Variants in ACSF2 observed in about 807,000 individuals in gnomAD.
The protein encoded by ACSF2 is medium-chain acyl-CoA ligase ACSF2, mitochondrial.
In ACSF2, 52 loss-of-function variants were observed where a neutral mutation model predicts 79.3. The observed-to-expected ratio is 0.66, with a 90% CI of 0.53 to 0.83. The LOEUF (loss-of-function observed/expected upper bound fraction) is 0.83, where lower values mean the gene tolerates loss of function less well. Ranked by LOEUF, ACSF2 falls within the 40% of genes least tolerant of loss-of-function variation. The pLI, the probability that ACSF2 is intolerant of heterozygous loss-of-function variation, is 0.00. For synonymous variants in ACSF2, 283 were observed against 312.6 expected, an observed-to-expected ratio of 0.91 and a Z score of 1.00; for missense variants, 661 against 803.3, an observed-to-expected ratio of 0.82 and a Z score of 2.14.
Position 50,465,329 on chromosome 17 carries a change from G to A in ACSF2, c.1215+1035G>A, listed in dbSNP as rs2231510. 6,995 of 1,614,038 alleles carry A rather than the reference G, an allele frequency of 4.3e-3. 283 individuals are homozygous for A. In the African/African-American group the frequency reaches 0.081, roughly 19 times the overall value. ...GCGGCCAGCTTTCTTGGACCTCTTG[G>A]TGGGGAACTTGCAGCTGCGGAAGGC... On this transcript the variant is annotated intron_variant, in intron 10 of 15. Coordinates refer to ENST00000300441, the MANE Select transcript of ACSF2 (RefSeq NM_025149.6).
chr17:50,472,704 G>A (rs1388825272), intron 12 of ACSF2, 125 bp downstream of exon 12: 1 of 1,214,686 alleles, frequency 8.2e-7, no homozygotes, highest in South Asian at 1.8e-5. Context: ...CTCACATGCT[G>A]GAGTCTTAAT....
chr17:50,443,717 A>G (rs1198407763), intron 1 of ACSF2, among the ~76,000 whole-genome samples: 2 of 152,202 alleles, frequency 1.3e-5, no homozygotes, highest in African/African-American at 2.4e-5. Context: ...ACCATCTTCT[A>G]AAAATCTTAT....
intron 10 of ACSF2, chr17:50,465,288 C>T (rs752185774): frequency 2.5e-6 from 4 of 1,613,952 alleles, no homozygotes; most frequent in Non-Finnish European, 2.5e-6. Flanking sequence ...TTTACCTGGC[C>T]CCCACCTGTT....
chr17:50,466,626 T>C (rs1163678854), intron 10 of ACSF2, among the ~76,000 whole-genome samples: 1 of 152,110 alleles, frequency 6.6e-6, no homozygotes, highest in Non-Finnish European at 1.5e-5. Flanking sequence ...GGGCCCAGGC[T>C]CCCCACAGTC....
chr17:50,474,350 G>A lies in ACSF2; in HGVS notation c.1797+83G>A, dbSNP rs946140980. On this transcript the variant is annotated intron_variant, in intron 15 of 15. Coordinates refer to ENST00000300441, the MANE Select transcript of ACSF2 (RefSeq NM_025149.6). The surrounding 1 kb of genome is among the most constrained non-coding windows in gnomAD (Gnocchi z 4.2). ...CCCACCTCTGTTTCCTTCAGCAATG[G>A]GTGTGGAGAGACTGGCAGTAGGGTG... The A allele has an allele frequency of 2.1e-5, 33 of 1,547,616 alleles. No individual in the cohort carries two copies. Among genetic ancestry groups the A allele is most frequent in the Admixed American group, 1.4e-4 (8 of 58,824 alleles).
chr17:50,462,848 C>G (rs1330096438), intron 6 of ACSF2: 3 of 584,234 alleles, frequency 5.1e-6, no homozygotes, highest in African/African-American at 1.9e-5. Context: ...GTTGGAACTG[C>G]TACAGGCTGC....
At chr17:50,469,105 GT>G in intron 10 of ACSF2, 1 of 1,143,382 alleles carries the variant, frequency 8.7e-7, no homozygotes, top group East Asian at 4.2e-5. Context: ...AGCCCCGGCT[GT>G]AGCCCCCCGC....
At chr17:50,432,117 T>C (rs925590617) in intron 1 of ACSF2, among the ~76,000 whole-genome samples, 2 of 152,096 alleles carry the variant, frequency 1.3e-5, no homozygotes, top group African/African-American at 4.8e-5. Flanking sequence ...CCCAGGCTGG[T>C]CTTGAACTCC....
At chr17:50,468,925 C>T (rs1174857038) in intron 10 of ACSF2, 8 of 1,407,108 alleles carry the variant, frequency 5.7e-6, no homozygotes, top group Non-Finnish European at 7.3e-6. Context: ...GCCCTGACCG[C>T]AGCCGGCAGC....
At chr17:50,430,878 C>T (rs190101596) in intron 1 of ACSF2, among the ~76,000 whole-genome samples, 19 of 152,294 alleles carry the variant, frequency 1.2e-4, no homozygotes, top group Admixed American at 1.2e-3. Context: ...AGTCTCATGT[C>T]TCTCTGGGCT....
At chr17:50,434,244 A>G (rs374559488) in intron 1 of ACSF2, among the ~76,000 whole-genome samples, 1 of 152,060 alleles carries the variant, frequency 6.6e-6, no homozygotes, top group South Asian at 2.1e-4. Context: ...GCTTGAGCCC[A>G]GGAAGTCGAG....
At chr17:50,468,230 T>C (rs145515411) in intron 10 of ACSF2, 10 of 1,612,630 alleles carry the variant, frequency 6.2e-6, no homozygotes, top group Non-Finnish European at 8.5e-6. Flanking sequence ...GGCGAGGTTC[T>C]CCACGTCGTC....
chr17:50,436,615 G>A (rs554572732), intron 1 of ACSF2, among the ~76,000 whole-genome samples: 2 of 151,352 alleles, frequency 1.3e-5, no homozygotes, highest in South Asian at 4.2e-4. Context: ...TGTATTTTTA[G>A]TAGAGACAGG....
In ACSF2 at chr17:50,471,201, G is replaced by T. The variant is rs1269643778; in HGVS notation, c.1323+66G>T. The T allele has an allele frequency of 5.1e-6, 7 of 1,373,398 alleles. No individual in the cohort carries two copies. The highest frequency in any genetic ancestry group is 7.3e-6 in the Non-Finnish European group (7 of 965,354). 85.1% of individuals were successfully genotyped at this position (1,373,398 alleles called of 1,614,324 possible). On this transcript the variant is annotated intron_variant, in intron 11 of 15. Transcript: ENST00000300441. This position sits in a 1 kb window ranked among gnomAD's most constrained non-coding sequence, Gnocchi z 4.1. ...ACCCAGCTGGGGTGCACCCAGCTGG[G>T]ACATCGGTTGCTTTCAGTGAGAGAG... is the stretch of plus-strand genomic sequence containing the variant.
chr17:50,449,561 C>A (rs1206205833), intron 1 of ACSF2, among the ~76,000 whole-genome samples: 1 of 151,590 alleles, frequency 6.6e-6, no homozygotes, highest in Non-Finnish European at 1.5e-5. Context: ...CCCGCCACCA[C>A]GCCCGGCTAA....
intron 9 of ACSF2, 110 bp from the exon 10 acceptor site, chr17:50,464,108 C>T (rs1050755404): frequency 4.5e-5 from 61 of 1,348,708 alleles, no homozygotes; most frequent in Non-Finnish European, 5.9e-5. Flanking sequence ...AGGAAAGGCT[C>T]GGGGTCAGAG....
At chr17:50,468,709 G>A (rs771418589) in intron 10 of ACSF2, 2 of 1,612,762 alleles carry the variant, frequency 1.2e-6, no homozygotes, top group African/African-American at 2.7e-5. Context: ...CGCAGATGAC[G>A]TGCTGCAGGT....
intron 10 of ACSF2, chr17:50,468,925 C>CAGCCGGCAGCCGA (rs1406473473): frequency 1.1e-5 from 16 of 1,406,994 alleles, no homozygotes; most frequent in Non-Finnish European, 1.5e-5. Flanking sequence ...GCCCTGACCG[C>CAGCCGGCAGCCGA]AGCCGGCAGC....
At chr17:50,446,178 A>G (rs977848896) in intron 1 of ACSF2, among the ~76,000 whole-genome samples, 1 of 152,108 alleles carries the variant, frequency 6.6e-6, no homozygotes, top group Non-Finnish European at 1.5e-5. Context: ...ACAGAATGTT[A>G]AATAGGTACT....
Sources: allele counts gnomAD v4.1 joint callset (sites outside exome capture counted in the v4.1 genomes callset), GRCh38; gene constraint gnomAD v4.1.1; non-coding constraint Gnocchi (gnomAD v3.1); transcripts MANE v1.5; gene names NCBI Gene and HGNC (gene_info 2026-07-23, HGNC 2026-07-21).